Variants in PRKN observed in about 807,000 individuals in gnomAD.
The protein encoded by PRKN is E3 ubiquitin-protein ligase parkin.
A neutral mutation model predicts 59.5 loss-of-function variants in PRKN; 56 were observed. That is an observed-to-expected ratio of 0.94 (90% confidence interval 0.76 to 1.18). PRKN has a LOEUF of 1.18. Ranked by LOEUF, PRKN falls within the 50% of genes most tolerant of loss-of-function variation. The probability of loss-of-function intolerance (pLI) is 0.00; values close to 1 mark genes in which losing one functional copy is unlikely to be tolerated. For missense variants in PRKN, 657 were observed against 596.4 expected (o/e 1.10, Z -1.06); for synonymous variants, 250 against 222.1 (o/e 1.13, Z -1.12).
At chr6:162,024,701 C>T (rs1167516648) in intron 5 of PRKN, among the ~76,000 whole-genome samples, 1 of 152,120 alleles carries the variant, frequency 6.6e-6, no homozygotes, top group Non-Finnish European at 1.5e-5. Flanking sequence ...TCTAAAACCA[C>T]ATAGATGCTT....
chr6:161,360,313 T>C lies in PRKN; in HGVS notation c.1168-108A>G. The C allele has an allele frequency of 1.1e-6, 1 of 892,524 alleles. No homozygotes were observed. The highest frequency in any genetic ancestry group is 1.9e-6 in the Non-Finnish European group (1 of 527,198). 55.3% of individuals were successfully genotyped at this position (892,524 alleles called of 1,614,324 possible). The stretch of plus-strand genomic sequence containing the variant: ...GGAAATTCTTGAAGACAGGAGTGCC[T>C]TCGGGCAAGAAGCCTAAATATCAAT... On this transcript the variant is annotated intron_variant, in intron 10 of 11. Coordinates refer to ENST00000366898, the MANE Select transcript of PRKN (RefSeq NM_004562.3). The surrounding 1 kb of genome is among the most constrained non-coding windows in gnomAD (Gnocchi z 5.1).
At chr6:162,320,238 C>A (rs1013293625) in intron 2 of PRKN, among the ~76,000 whole-genome samples, 1 of 151,026 alleles carries the variant, frequency 6.6e-6, no homozygotes, top group Non-Finnish European at 1.5e-5. Flanking sequence ...GATTCCATAT[C>A]TTTGCTATTA....
intron 2 of PRKN, among the ~76,000 whole-genome samples, chr6:162,295,684 C>A (rs1781637230): frequency 6.6e-6 from 1 of 152,194 alleles, no homozygotes; most frequent in African/African-American, 2.4e-5. Flanking sequence ...TGTCTGTCTT[C>A]TCTTGCTCTT....
At position 162,672,007 on chromosome 6, in the gene PRKN, T is replaced by G. The variant is rs550693125; in HGVS notation, c.7+55655A>C. Reference sequence around the variant, plus strand: ...GGGCCTGGCAGAGCAGTGGTGCCCATGAAGTAAAGTGAAGACAGAGAGTGG... The same window carrying G: ...GGGCCTGGCAGAGCAGTGGTGCCCAGGAAGTAAAGTGAAGACAGAGAGTGG... On this transcript the variant is annotated intron_variant, in intron 1 of 11. Transcript: ENST00000366898. Among the ~76,000 whole-genome samples, 8 of 151,890 alleles carry G rather than the reference T, an allele frequency of 5.3e-5. No individual in the cohort carries two copies. In the East Asian group the frequency reaches 1.6e-3, roughly 29 times the overall value.
intron 4 of PRKN, among the ~76,000 whole-genome samples, chr6:162,198,146 C>G (rs78252822): frequency 1.1e-3 from 170 of 152,266 alleles, no homozygotes; most frequent in African/African-American, 3.9e-3. Flanking sequence ...GAGCAGAAAA[C>G]AGTGCTTGGG....
At chr6:161,882,905 T>C (rs1439046271) in intron 6 of PRKN, among the ~76,000 whole-genome samples, 1 of 151,672 alleles carries the variant, frequency 6.6e-6, no homozygotes, top group Admixed American at 6.6e-5. Flanking sequence ...CTCAGGAGGC[T>C]GAGGCATGAT....
chr6:162,497,869 A>T (rs949381933), intron 1 of PRKN, among the ~76,000 whole-genome samples: 1 of 152,200 alleles, frequency 6.6e-6, no homozygotes, highest in Non-Finnish European at 1.5e-5. Context: ...TATAGTTAAC[A>T]ATCATTTATT....
intron 6 of PRKN, among the ~76,000 whole-genome samples, chr6:161,927,046 A>T (rs1778994203): frequency 6.6e-6 from 1 of 152,176 alleles, no homozygotes; most frequent in Admixed American, 6.5e-5. Flanking sequence ...TGGGCAGAAA[A>T]TTACAGTTTT....
At chr6:162,242,320 G>A (rs920835213) in intron 3 of PRKN, among the ~76,000 whole-genome samples, 1 of 152,080 alleles carries the variant, frequency 6.6e-6, no homozygotes, top group Non-Finnish European at 1.5e-5. Context: ...ACAGTGTTAA[G>A]GTTGGTTACC....
chr6:162,272,551 C>G (rs189943053), intron 2 of PRKN, among the ~76,000 whole-genome samples: 3 of 152,058 alleles, frequency 2.0e-5, no homozygotes, highest in Non-Finnish European at 2.9e-5. Context: ...AACTCAGGCA[C>G]GTCGGGGAGG....
At chr6:162,307,236 C>T (rs1243160896) in intron 2 of PRKN, among the ~76,000 whole-genome samples, 3 of 151,864 alleles carry the variant, frequency 2.0e-5, no homozygotes, top group Admixed American at 6.6e-5. Context: ...CCCATCTCCA[C>T]TAAAAATACA....
At chr6:162,284,403 T>C (rs1227591557) in intron 2 of PRKN, among the ~76,000 whole-genome samples, 2 of 152,010 alleles carry the variant, frequency 1.3e-5, no homozygotes, top group Non-Finnish European at 2.9e-5. Context: ...TTTGTATTTT[T>C]AGTAGAGACC....
At chr6:162,169,470 A>T (rs1025581235) in intron 4 of PRKN, among the ~76,000 whole-genome samples, 7 of 139,416 alleles carry the variant, frequency 5.0e-5, no homozygotes, top group African/African-American at 1.8e-4. Flanking sequence ...TAATTTTCTT[A>T]AAAATTTATC....
At chr6:162,077,838 A>G (rs920854421) in intron 4 of PRKN, among the ~76,000 whole-genome samples, 1 of 151,654 alleles carries the variant, frequency 6.6e-6, no homozygotes, top group Non-Finnish European at 1.5e-5. Context: ...TGTCTCTACT[A>G]AAAATACAAA....
intron 1 of PRKN, among the ~76,000 whole-genome samples, chr6:162,679,074 C>CTTTATTTA (rs71008105): frequency 0.5 from 69,202 of 137,782 alleles, 17,828 homozygotes; most frequent in East Asian, 0.6. Context: ...TGTGCCTGGC[C>CTTTATTTA]TTTATTTATT....
At chr6:162,680,483 C>T (rs574486664) in intron 1 of PRKN, among the ~76,000 whole-genome samples, 5 of 151,970 alleles carry the variant, frequency 3.3e-5, no homozygotes, top group African/African-American at 1.2e-4. Context: ...ATTTAATTCC[C>T]ACTGCAATTT....
In PRKN at chr6:162,705,247, G is replaced by A. The variant is rs1184997264; in HGVS notation, c.7+22415C>T. 2.0e-5 allele frequency among the ~76,000 whole-genome samples: 3 copies of A among 152,210 alleles called. No homozygotes were observed. In the East Asian group the frequency reaches 5.8e-4, roughly 29 times the overall value. On this transcript the variant is annotated intron_variant, in intron 1 of 11. Transcript: ENST00000366898. ...GCCTCTCCCCTCCTCACCCCTTAAAGTGATACCCTTGAAAATCCCCTTTAC... is the reference window on the plus strand; with the variant it reads ...GCCTCTCCCCTCCTCACCCCTTAAAATGATACCCTTGAAAATCCCCTTTAC...
chr6:161,900,929 T>TA (rs1777893935), intron 6 of PRKN, among the ~76,000 whole-genome samples: 6 of 125,778 alleles, frequency 4.8e-5, no homozygotes, highest in Admixed American at 1.5e-4. Flanking sequence ...TATATATATA[T>TA]TTTTTAGATG....
chr6:162,294,489 A>G (rs1583328822), intron 2 of PRKN, among the ~76,000 whole-genome samples: 1 of 152,180 alleles, frequency 6.6e-6, no homozygotes, highest in African/African-American at 2.4e-5. Flanking sequence ...TTGCCTGAAT[A>G]CCAGGATTAG....
Sources: gnomAD v4.1 joint callset for allele counts (sites outside exome capture counted in the v4.1 genomes callset) on GRCh38, gnomAD v4.1.1 for gene constraint, Gnocchi (gnomAD v3.1) non-coding constraint, MANE v1.5 for transcripts, NCBI Gene and HGNC (gene_info 2026-07-23, HGNC 2026-07-21) for gene names.